TENM3: variants seen among roughly 807,000 people sequenced by gnomAD.
TENM3 encodes the protein teneurin-3.
TENM3 carries 63 observed loss-of-function variants against 255.1 expected under a neutral mutation model. That is an observed-to-expected ratio of 0.25 (90% CI 0.20 to 0.30). The LOEUF (loss-of-function observed/expected upper bound fraction) is 0.30, where lower values mean the gene tolerates loss of function less well. Among genes scored for constraint, TENM3 ranks in the 10% least tolerant of loss-of-function variants. The pLI is 1.00. For synonymous variants in TENM3, 1,306 were observed against 1,322.3 expected (o/e 0.99, Z 0.27); for missense variants, 2,929 against 3,461.1 (o/e 0.85, Z 3.86).
intron 3 of TENM3, among the ~76,000 whole-genome samples, chr4:182,589,041 T>C (rs1379720261): frequency 1.3e-5 from 2 of 152,154 alleles, no homozygotes; most frequent in African/African-American, 2.4e-5. Flanking sequence ...GCAGAGACCA[T>C]TCATACTAAA....
At chr4:182,165,262 C>T (rs910555965) in intron 1 of TENM3, among the ~76,000 whole-genome samples, 7 of 152,112 alleles carry the variant, frequency 4.6e-5, no homozygotes, top group African/African-American at 1.2e-4. Flanking sequence ...TCATTATTTT[C>T]GGAGTTCCAT....
intron 3 of TENM3, among the ~76,000 whole-genome samples, chr4:182,549,993 C>CATT (rs1741839846): frequency 1.3e-5 from 2 of 152,104 alleles, no homozygotes; most frequent in South Asian, 4.1e-4. Flanking sequence ...AATGCTTTGG[C>CATT]ATTACAATTA....
At chr4:182,461,359 A>G (rs1042043184) in intron 3 of TENM3, among the ~76,000 whole-genome samples, 4 of 152,174 alleles carry the variant, frequency 2.6e-5, no homozygotes, top group African/African-American at 9.6e-5. Context: ...AAGGTGGGGT[A>G]TGAAAAGTAT....
chr4:181,544,117 T>C, the TENM3 span, among the ~76,000 whole-genome samples: 1 of 152,022 alleles, frequency 6.6e-6, no homozygotes, highest in Admixed American at 6.6e-5. Flanking sequence ...TCTAATTCCG[T>C]TACCCCAGAA....
chr4:182,795,934 T>G (rs185729672), intron 26 of TENM3, among the ~76,000 whole-genome samples: 1 of 152,316 alleles, frequency 6.6e-6, no homozygotes, highest in African/African-American at 2.4e-5. Context: ...CAGAATAGAA[T>G]AAAAGCCTTA....
At chr4:182,745,326 G>C (rs1045895504) in intron 19 of TENM3, among the ~76,000 whole-genome samples, 1 of 152,202 alleles carries the variant, frequency 6.6e-6, no homozygotes, top group Admixed American at 6.5e-5. Flanking sequence ...AGGATACTGA[G>C]CGTGCAAAGC....
At chr4:182,408,692 T>C (rs545343305) in intron 3 of TENM3, among the ~76,000 whole-genome samples, 1 of 152,342 alleles carries the variant, frequency 6.6e-6, no homozygotes, top group East Asian at 1.9e-4. Context: ...TAAAGAGTCA[T>C]CCTTTATAGT....
the TENM3 span, among the ~76,000 whole-genome samples, chr4:181,685,004 G>C: frequency 7.5e-6 from 1 of 134,122 alleles, no homozygotes; most frequent in African/African-American, 2.8e-5. Flanking sequence ...AGGCTCAAAT[G>C]ATCCTCCCAC....
the TENM3 span, among the ~76,000 whole-genome samples, chr4:181,520,202 C>G: frequency 1.3e-5 from 2 of 152,176 alleles, no homozygotes; most frequent in African/African-American, 2.4e-5. Flanking sequence ...CACTTGTAAA[C>G]AGCCTTATCA....
At chr4:182,563,099 T>A (rs1743381749) in intron 3 of TENM3, among the ~76,000 whole-genome samples, 1 of 152,180 alleles carries the variant, frequency 6.6e-6, no homozygotes, top group Non-Finnish European at 1.5e-5. Context: ...AATGTTACTC[T>A]GGTACACTGG....
chr4:182,670,718 T>A (rs1755128316), intron 6 of TENM3, among the ~76,000 whole-genome samples: 1 of 152,184 alleles, frequency 6.6e-6, no homozygotes, highest in African/African-American at 2.4e-5. Flanking sequence ...GTGAATTTTT[T>A]GTGAATTGCT....
chr4:182,547,663 G>C lies in TENM3; in HGVS notation c.512-53261G>C, dbSNP rs145868785. ...CAGTTCTATCCAATGCTCACTCACTGGTGCAGTTTCCATTTGAGTCCAGCC... is the reference window on the plus strand; with the variant it reads ...CAGTTCTATCCAATGCTCACTCACTCGTGCAGTTTCCATTTGAGTCCAGCC... On this transcript the variant is annotated intron_variant, in intron 3 of 27. Coordinates refer to ENST00000511685, the MANE Select transcript of TENM3 (RefSeq NM_001080477.4). Among the ~76,000 whole-genome samples the C allele has an allele frequency of 2.6e-5, 4 of 152,194 alleles. No homozygotes were observed. In the East Asian group the frequency reaches 7.7e-4, roughly 29 times the overall value.
chr4:182,032,035 AC>A, the TENM3 span, among the ~76,000 whole-genome samples: 5 of 152,078 alleles, frequency 3.3e-5, no homozygotes, highest in African/African-American at 9.7e-5. Context: ...CTATCTGAAC[AC>A]CCTTTATTTT....
the TENM3 span, among the ~76,000 whole-genome samples, chr4:181,696,729 C>A: frequency 6.6e-6 from 1 of 152,248 alleles, no homozygotes; most frequent in Non-Finnish European, 1.5e-5. Context: ...GAGTTTCATT[C>A]TATGTACGAG....
Position 182,799,761 on chromosome 4 carries a change from G to A in TENM3, c.7510G>A (p.Val2504Ile), listed in dbSNP as rs1168499456. 8 of 1,576,996 alleles carry A rather than the reference G, an allele frequency of 5.1e-6. No homozygotes were observed. The East Asian group carries it at 1.7e-4, about 33-fold the overall frequency. ...SLIGKGVMLAVSQGRVQTNVL... is the reference protein window; with the variant it reads ...SLIGKGVMLAISQGRVQTNVL... The stretch of plus-strand genomic sequence containing the variant: ...GATCGGCAAGGGCGTCATGCTGGCC[G>A]TCAGCCAGGGCCGCGTGCAGACCAA... The change falls in exon 28 of 28, where the codon GTC becomes ATC. Residue 2504 changes from valine (V) to isoleucine (I), a missense_variant. Physicochemically the swap from Val to Ile is conservative, Grantham distance 29. Around this residue, in one of 6 missense-constraint regions of TENM3, gnomAD observed 476 missense variants for 480.1 expected, o/e 0.99. Transcript: ENST00000511685. The surrounding 1 kb of genome is among the most constrained non-coding windows in gnomAD (Gnocchi z 4.2).
chr4:181,748,715 A>G, the TENM3 span, among the ~76,000 whole-genome samples: 3 of 152,168 alleles, frequency 2.0e-5, no homozygotes, highest in Middle Eastern at 3.4e-3. Flanking sequence ...TATAACGTTA[A>G]CAGTCCAATT....
chr4:182,610,492 G>A (rs1462305755), intron 4 of TENM3, among the ~76,000 whole-genome samples: 1 of 152,110 alleles, frequency 6.6e-6, no homozygotes, highest in African/African-American at 2.4e-5. Context: ...GTCACCCTGG[G>A]CAGCATGGTG....
At chr4:181,573,770 A>C in the TENM3 span, among the ~76,000 whole-genome samples, 1 of 152,226 alleles carries the variant, frequency 6.6e-6, no homozygotes, top group South Asian at 2.1e-4. Flanking sequence ...TGATTAAAAT[A>C]TTTTATTCTT....
At chr4:181,457,745 A>G in the TENM3 span, among the ~76,000 whole-genome samples, 18 of 151,976 alleles carry the variant, frequency 1.2e-4, no homozygotes, top group South Asian at 3.5e-3. Flanking sequence ...TAAGCATTCT[A>G]AAAGAGGAAT....
Sources: gnomAD v4.1 joint callset for allele counts (sites outside exome capture counted in the v4.1 genomes callset) on GRCh38, gnomAD v4.1.1 for gene constraint, gnomAD v4.1.1 regional missense constraint, Gnocchi (gnomAD v3.1) non-coding constraint, MANE v1.5 for transcripts, NCBI Gene and HGNC (gene_info 2026-07-23, HGNC 2026-07-21) for gene names.